ASTN2: variants seen among roughly 807,000 people sequenced by gnomAD.
ASTN2 encodes astrotactin-2.
ASTN2 carries 54 observed loss-of-function variants against 139.8 expected under a neutral mutation model. The observed-to-expected ratio is 0.39, with a 90% CI of 0.31 to 0.48. The LOEUF (loss-of-function observed/expected upper bound fraction) is 0.48, where lower values mean the gene tolerates loss of function less well. Ranked by LOEUF, ASTN2 falls within the 20% of genes least tolerant of loss-of-function variation. The probability of loss-of-function intolerance (pLI) is 0.95; values close to 1 mark genes in which losing one functional copy is unlikely to be tolerated. For missense variants in ASTN2, 1,565 were observed against 1,725.1 expected, an observed-to-expected ratio of 0.91 and a Z score of 1.64; for synonymous variants, 756 against 719.5, an observed-to-expected ratio of 1.05 and a Z score of -0.81.
At chr9:116,522,272 C>T (rs1381430750) in intron 19 of ASTN2, among the ~76,000 whole-genome samples, 1 of 152,118 alleles carries the variant, frequency 6.6e-6, no homozygotes. Context: ...CCCAAATACC[C>T]ATCAATCAAT....
chr9:116,944,785 TA>T (rs1387778147), intron 10 of ASTN2, among the ~76,000 whole-genome samples: 2 of 150,296 alleles, frequency 1.3e-5, no homozygotes, highest in Non-Finnish European at 3.0e-5. Context: ...ATGCAAAGGA[TA>T]GGGGGCAATG....
chr9:117,078,275 AGTT>A (rs895347698), intron 5 of ASTN2, among the ~76,000 whole-genome samples: 10 of 152,314 alleles, frequency 6.6e-5, no homozygotes, highest in African/African-American at 1.9e-4. Flanking sequence ...TTAAAAAATA[AGTT>A]GTTATTTTTT....
intron 16 of ASTN2, chr9:116,701,114 T>C (rs1375065030): frequency 1.2e-5 from 2 of 167,102 alleles, no homozygotes; most frequent in African/African-American, 4.8e-5. Flanking sequence ...GTTTACTAAG[T>C]AATATATCTT....
chr9:116,993,597 G>A (rs1023600401), intron 7 of ASTN2, among the ~76,000 whole-genome samples: 1 of 148,740 alleles, frequency 6.7e-6, no homozygotes, highest in Non-Finnish European at 1.5e-5. Context: ...TAGGAATAAA[G>A]TACATAAGTT....
chr9:116,998,549 T>TCATTCATCCATCCATCCATCCATCCATC (rs1554767975), intron 7 of ASTN2, among the ~76,000 whole-genome samples: 1 of 150,560 alleles, frequency 6.6e-6, no homozygotes, highest in African/African-American at 2.5e-5. Context: ...AATTTGATTT[T>TCATTCATCCATCCATCCATCCATCCATC]CATCCATCCA....
intron 22 of ASTN2, among the ~76,000 whole-genome samples, chr9:116,430,843 G>C (rs139903806): frequency 1.0e-3 from 158 of 152,358 alleles, no homozygotes; most frequent in African/African-American, 3.7e-3. Flanking sequence ...CGGAGTGAGA[G>C]AGACCAAAGG....
chr9:116,707,363 G>A (rs1383354746), intron 16 of ASTN2, among the ~76,000 whole-genome samples: 2 of 150,002 alleles, frequency 1.3e-5, no homozygotes, highest in Non-Finnish European at 2.9e-5. Context: ...TAGCCAAGGA[G>A]TTCTTTCAAA....
Position 116,699,251 on chromosome 9 carries a change from G to T in ASTN2, c.2806+26520C>A. The T allele has an allele frequency of 6.2e-7, 1 of 1,614,216 alleles. No homozygotes were observed. Among genetic ancestry groups the T allele is most frequent in the Middle Eastern group, 1.6e-4 (1 of 6,062 alleles). On this transcript the variant is annotated intron_variant, in intron 16 of 22. Transcript: ENST00000313400. This position sits in a 1 kb window ranked among gnomAD's most constrained non-coding sequence, Gnocchi z 4.2. ...GTTTCACAGTTGATCGAGGATCAGG[G>T]GTGGTCAAATACAGCTGCCTATGTA...
At chr9:117,347,664 C>A (rs1177071071) in intron 1 of ASTN2, among the ~76,000 whole-genome samples, 2 of 152,068 alleles carry the variant, frequency 1.3e-5, no homozygotes, top group African/African-American at 4.8e-5. Context: ...AATGTTTTTT[C>A]TGAAAATCAG....
chr9:116,848,335 G>A (rs1832502001), intron 11 of ASTN2, among the ~76,000 whole-genome samples: 1 of 152,176 alleles, frequency 6.6e-6, no homozygotes, highest in African/African-American at 2.4e-5. Flanking sequence ...CAGATCAAGT[G>A]CAGGGAGGTA....
intron 13 of ASTN2, among the ~76,000 whole-genome samples, chr9:116,760,508 C>T (rs1829647308): frequency 6.6e-6 from 1 of 152,200 alleles, no homozygotes; most frequent in South Asian, 2.1e-4. Flanking sequence ...GAAAGCCAGG[C>T]TGAGCAATTC....
intron 2 of ASTN2, among the ~76,000 whole-genome samples, chr9:117,243,517 A>G (rs1833276830): frequency 6.6e-6 from 1 of 152,204 alleles, no homozygotes; most frequent in East Asian, 1.9e-4. Context: ...GTTATTAATT[A>G]CTGATGCCTC....
chr9:116,699,830 C>A lies in ASTN2; in HGVS notation c.2806+25941G>T. 7.9e-7 allele frequency: 1 copy of A among 1,268,314 alleles called. No individual in the cohort carries two copies. Among genetic ancestry groups the A allele is most frequent in the Non-Finnish European group, 1.1e-6 (1 of 896,590 alleles). The allele number at this position is 1,268,314 out of a possible 1,614,324, so 78.6% of individuals were successfully genotyped here. ...TGATTCCAGCTGGGTAGTTCTAGAA[C>A]TTCAGAAGCTCCATCTTTTAATGTT... On this transcript the variant is annotated intron_variant, in intron 16 of 22. Coordinates refer to ENST00000313400, the MANE Select transcript of ASTN2 (RefSeq NM_001365068.1). The surrounding 1 kb of genome is among the most constrained non-coding windows in gnomAD (Gnocchi z 4.2).
chr9:116,474,466 C>A (rs1016771670), intron 20 of ASTN2, among the ~76,000 whole-genome samples: 1 of 152,150 alleles, frequency 6.6e-6, no homozygotes, highest in African/African-American at 2.4e-5. Context: ...AAGAAAAATG[C>A]CAGAAGTCTG....
intron 19 of ASTN2, among the ~76,000 whole-genome samples, chr9:116,495,453 CCAGGTA>C (rs1210888818): frequency 1.3e-5 from 2 of 152,144 alleles, no homozygotes; most frequent in African/African-American, 4.8e-5. Flanking sequence ...CAGACTAACT[CCAGGTA>C]CAGACACCAA....
At chr9:116,559,524 T>C (rs766711091) in intron 19 of ASTN2, among the ~76,000 whole-genome samples, 33 of 152,176 alleles carry the variant, frequency 2.2e-4, no homozygotes, top group Non-Finnish European at 4.6e-4. Flanking sequence ...TATGTACATG[T>C]CTAACTGCAG....
chr9:117,114,980 CT>C (rs1829342099), intron 4 of ASTN2, among the ~76,000 whole-genome samples: 1 of 152,148 alleles, frequency 6.6e-6, no homozygotes, highest in Admixed American at 6.5e-5. Context: ...CTTCAGATGA[CT>C]ACAGCCCCAC....
intron 20 of ASTN2, among the ~76,000 whole-genome samples, chr9:116,485,451 T>C (rs1849307335): frequency 6.6e-6 from 1 of 152,228 alleles, no homozygotes; most frequent in Admixed American, 6.5e-5. Flanking sequence ...TTTTCAGAGT[T>C]AGAGAGGACT....
intron 2 of ASTN2, among the ~76,000 whole-genome samples, chr9:117,277,958 A>G (rs1020465240): frequency 6.6e-6 from 1 of 152,226 alleles, no homozygotes; most frequent in Admixed American, 6.5e-5. Context: ...GAAAACATAG[A>G]CACAAAAAAA....
Sources: gnomAD v4.1 joint callset for allele counts (sites outside exome capture counted in the v4.1 genomes callset) on GRCh38, gnomAD v4.1.1 for gene constraint, Gnocchi (gnomAD v3.1) non-coding constraint, MANE v1.5 for transcripts, NCBI Gene and HGNC (gene_info 2026-07-23, HGNC 2026-07-21) for gene names.